The following ZNF467 variants were observed in gnomAD, a reference collection of about 807,000 sequenced individuals.
The protein encoded by ZNF467 is zinc finger protein 467.
Under a neutral mutation model 47.8 loss-of-function variants are expected in ZNF467, and 51 were observed. That is an observed-to-expected ratio of 1.07 (90% CI 0.85 to 1.35). The LOEUF is 1.35. ZNF467 is among the 40% of genes most tolerant of loss of function. The pLI, the probability that ZNF467 is intolerant of heterozygous loss-of-function variation, is 0.00. For missense variants in ZNF467, 992 were observed against 858.1 expected, an observed-to-expected ratio of 1.16 and a Z score of -1.95; for synonymous variants, 416 against 372.9, an observed-to-expected ratio of 1.12 and a Z score of -1.33.
At position 149,766,304 on chromosome 7, in the gene ZNF467, G is replaced by A; in HGVS notation, c.263-65C>T. ...TGCGGCAACGTCTATTTAACCACAG[G>A]ATCTCCACTTCCTGGAGCCCCGCGG... On this transcript the variant is annotated intron_variant, in intron 4 of 4. Coordinates refer to ENST00000302017, the MANE Select transcript of ZNF467 (RefSeq NM_207336.3). The A allele has an allele frequency of 4.6e-6, 7 of 1,506,706 alleles. No individual in the cohort carries two copies. The South Asian group carries it at 8.1e-5, about 17-fold the overall frequency. The allele number at this position is 1,506,706 out of a possible 1,614,324, so 93.3% of individuals were successfully genotyped here. A position where few individuals can be genotyped will look rare whatever the true frequency, so the allele number is the denominator to read the frequency against.
chr7:149,764,313 T>G lies in ZNF467; in HGVS notation c.*401A>C. The stretch of plus-strand genomic sequence containing the variant: ...GTGTGGATGGAGGTGGGACAGTGGC[T>G]AAGGAGAGTCAGGTGTTCCCTCCCC... On this transcript the variant is annotated 3_prime_UTR_variant, in exon 5 of 5. Transcript: ENST00000302017. 1 of 439,086 alleles carries G rather than the reference T, an allele frequency of 2.3e-6. No homozygotes were observed. The highest frequency in any genetic ancestry group is 4.0e-6 in the Non-Finnish European group (1 of 250,044). The allele number at this position is 439,086 out of a possible 1,614,324, so 27.2% of individuals were successfully genotyped here. A position where few individuals can be genotyped will look rare whatever the true frequency, so the allele number is the denominator to read the frequency against.
chr7:149,776,519 C>T, upstream of ZNF467: 1 of 1,308,970 alleles, frequency 7.6e-7, no homozygotes, highest in Non-Finnish European at 1.0e-6. Context: ...GGGCTCTGTC[C>T]TATCTACAAG....
rs863021 is a variant in ZNF467, at chr7:149,764,966, G to A, written c.1536C>T (p.Ser512=). Residue 512 remains serine, a synonymous_variant, in exon 5 of 5, where the codon AGC becomes AGT. Transcript: ENST00000302017. ...LGRHQAVHTG[S]RPHACAVCAR... is the part of the protein sequence containing the mutation. ...CGCAGACGGCGCAGGCGTGGGGGCG[G>A]CTGCCAGTGTGCACCGCCTGGTGGC... 19,306 of 1,590,204 alleles carry A rather than the reference G, an allele frequency of 0.012. 1,620 individuals carry two copies. The African/African-American group carries it at 0.2, about 17-fold the overall frequency.
intron 4 of ZNF467, among the ~76,000 whole-genome samples, chr7:149,767,630 C>T (rs956592610): frequency 4.6e-5 from 7 of 152,166 alleles, no homozygotes; most frequent in African/African-American, 1.7e-4. Context: ...TGACTCATTG[C>T]AGCCTCAAAC....
upstream of ZNF467, among the ~76,000 whole-genome samples, chr7:149,773,781 C>CG (rs1244866012): frequency 6.7e-6 from 1 of 149,244 alleles, no homozygotes; most frequent in East Asian, 2.0e-4. Context: ...GAGGACGGCC[C>CG]GGGGGGTCGG....
chr7:149,769,098 G>A lies in ZNF467; in HGVS notation c.254C>T (p.Thr85Ile). Residue 85 changes from threonine (T) to isoleucine (I), a missense_variant, in exon 4 of 5, where the codon ACC becomes ATC. Transcript: ENST00000302017. This position sits in a 1 kb window ranked among gnomAD's most constrained non-coding sequence, Gnocchi z 5.3. ...GTGATGGGAAGACTCACCTGGGCAG[G>A]TACCCACAGGCTGAGCCTTCTGTGC... Reference protein sequence around the residue: ...CSAQKAQPVGTCPGEEWMIRK... With the variant: ...CSAQKAQPVGICPGEEWMIRK... 1.3e-6 allele frequency: 2 copies of A among 1,550,254 alleles called. No homozygotes were observed. The highest frequency in any genetic ancestry group is 1.7e-6 in the Non-Finnish European group (2 of 1,146,582).
rs1213379502 is a variant in ZNF467, at chr7:149,765,454, G to A, written c.1048C>T (p.Pro350Ser). ...GAGCACGCGAAAGGCTTTGGCCCGG[G>A]AAAGGATGGGGTCGGGGACGGGGCA... ...STAPSPTPSF[P>S]GPKPFACSDC... is the part of the protein sequence containing the mutation. Residue 350 changes from proline (P) to serine (S), a missense_variant, in exon 5 of 5, where the codon CCC becomes TCC. Coordinates refer to ENST00000302017, the MANE Select transcript of ZNF467 (RefSeq NM_207336.3). 6.3e-7 allele frequency: 1 copy of A among 1,584,338 alleles called. No homozygotes were observed. The highest frequency in any genetic ancestry group is 8.6e-7 in the Non-Finnish European group (1 of 1,166,222).
rs374124337 is a variant in ZNF467, at chr7:149,765,919, G to A, written c.583C>T (p.Arg195Cys). The change falls in exon 5 of 5, where the codon CGC becomes TGC. Residue 195 changes from arginine to cysteine, a missense_variant. Physicochemically the swap from Arg to Cys is radical, Grantham distance 180. Transcript: ENST00000302017. Reference protein sequence around the residue: ...EGPCACPDCGRSFTQRAHMLL... With the variant: ...EGPCACPDCGCSFTQRAHMLL... ...ATGTGGGCGCGCTGCGTGAAGCTGC[G>A]GCCGCAGTCCGGGCAGGCGCAGGGG... is the stretch of plus-strand genomic sequence containing the variant. 6.6e-5 allele frequency: 103 copies of A among 1,560,700 alleles called. No homozygotes were observed. Among genetic ancestry groups the A allele is most frequent in the Non-Finnish European group, 8.8e-5 (101 of 1,153,838 alleles).
At position 149,765,251 on chromosome 7, in the gene ZNF467, A is replaced by G; in HGVS notation, c.1251T>C (p.Asp417=). The G allele has an allele frequency of 6.8e-7, 1 of 1,464,492 alleles. No homozygotes were observed. Among genetic ancestry groups the G allele is most frequent in the African/African-American group, 1.4e-5 (1 of 70,070 alleles). The allele number at this position is 1,464,492 out of a possible 1,614,324, so 90.7% of individuals were successfully genotyped here. ...PGGPGCGPGS[D]PVVPQRAPSG... ...AGGGGGCGCGCTGGGGCACCACGGG[A>G]TCGGATCCTGGGCCGCAGCCCGGTC... The change falls in exon 5 of 5, where the codon GAT becomes GAC. Residue 417 remains aspartate, a synonymous_variant. Coordinates refer to ENST00000302017, the MANE Select transcript of ZNF467 (RefSeq NM_207336.3).
chr7:149,767,689 CTA>C (rs2117426971), intron 4 of ZNF467, among the ~76,000 whole-genome samples: 1 of 152,298 alleles, frequency 6.6e-6, no homozygotes, highest in South Asian at 2.1e-4. Flanking sequence ...GCAGCTGTGA[CTA>C]TGGGTGTGCA....
chr7:149,775,978 C>A, upstream of ZNF467: 3 of 1,261,818 alleles, frequency 2.4e-6, no homozygotes, highest in Non-Finnish European at 3.2e-6. Flanking sequence ...GCCCTCTCTG[C>A]AGCATTGCCT....
chr7:149,771,376 C>T (rs981109720), intron 1 of ZNF467, among the ~76,000 whole-genome samples: 1 of 152,196 alleles, frequency 6.6e-6, no homozygotes, highest in Non-Finnish European at 1.5e-5. Context: ...CACGCCCCAG[C>T]GTCCTTGCCT....
rs144653466 is a variant in ZNF467 at position 149,765,530 on chromosome 7, C to A, written c.972G>T (p.Thr324=). The A allele has an allele frequency of 4.6e-5, 72 of 1,579,628 alleles. No homozygotes were observed. In the African/African-American group the frequency reaches 8.6e-4, roughly 19 times the overall value. ...HLVRHQRVHQ[T]AGPARPSPDS... is the part of the protein sequence containing the mutation. The stretch of plus-strand genomic sequence containing the variant: ...CGGGAGAGGGCCTGGCCGGGCCGGC[C>A]GTCTGGTGCACCCTTTGGTGCCGCA... The change falls in exon 5 of 5, where the codon ACG becomes ACT. Residue 324 remains threonine (T), a synonymous_variant. Transcript: ENST00000302017.
chr7:149,773,955 C>A (rs1175009841), upstream of ZNF467, among the ~76,000 whole-genome samples: 1 of 152,100 alleles, frequency 6.6e-6, no homozygotes, highest in Non-Finnish European at 1.5e-5. Context: ...CTTGCGAGAA[C>A]GGGTCCTTCG....
At chr7:149,776,256 A>C (rs983820449), upstream of ZNF467, 9 of 1,208,848 alleles carry the variant, frequency 7.4e-6, no homozygotes, top group Non-Finnish European at 9.8e-6. Flanking sequence ...TCCTTACTTC[A>C]ATAACCACCC....
chr7:149,764,632 G>A lies in ZNF467; in HGVS notation c.*82C>T. The A allele has an allele frequency of 1.9e-6, 3 of 1,551,604 alleles. No individual in the cohort carries two copies. Among genetic ancestry groups the A allele is most frequent in the Non-Finnish European group, 2.6e-6 (3 of 1,147,668 alleles). On this transcript the variant is annotated 3_prime_UTR_variant, in exon 5 of 5. Coordinates refer to ENST00000302017, the MANE Select transcript of ZNF467 (RefSeq NM_207336.3). ...GCCAAACCTTCGGGCAGCAGCCCAG[G>A]TCGCCTTGCTCACCCCAGGCGGTCT...
chr7:149,764,886 C>G lies in ZNF467; in HGVS notation c.1616G>C (p.Gly539Ala), dbSNP rs371817253. The G allele has an allele frequency of 6.3e-5, 98 of 1,564,964 alleles. No individual in the cohort carries two copies. The highest frequency in any genetic ancestry group is 8.0e-5 in the Non-Finnish European group (93 of 1,157,576). Residue 539 changes from glycine to alanine, a missense_variant, in exon 5 of 5, where the codon GGC becomes GCC. By Grantham distance (60) the Gly-to-Ala change is moderately conservative. Transcript: ENST00000302017. Reference protein sequence around the residue: ...NLVRHQAIHTGSRPFSCPQCG... With the variant: ...NLVRHQAIHTASRPFSCPQCG... ...CTGCGGGCAGGAGAAGGGGCGGGAG[C>G]CTGTGTGGATCGCCTGGTGGCGGAC...
chr7:149,770,853 C>G, intron 2 of ZNF467, 146 bp downstream of exon 2: 3 of 952,054 alleles, frequency 3.2e-6, no homozygotes, highest in Non-Finnish European at 4.9e-6. Flanking sequence ...ATTCAGACAC[C>G]CCGTGCTACA....
chr7:149,773,160 C>T lies in ZNF467; in HGVS notation c.-95G>A, dbSNP rs1037369063. 1.3e-5 allele frequency: 2 copies of T among 150,946 alleles called. No homozygotes were observed. Among genetic ancestry groups the T allele is most frequent in the Non-Finnish European group, 3.0e-5 (2 of 67,762 alleles). The allele number at this position is 150,946 out of a possible 1,614,324, so 9.4% of individuals were successfully genotyped here. A position where few individuals can be genotyped will look rare whatever the true frequency, so the allele number is the denominator to read the frequency against. On this transcript the variant is annotated 5_prime_UTR_variant, in exon 1 of 5. Coordinates refer to ENST00000302017, the MANE Select transcript of ZNF467 (RefSeq NM_207336.3). ...CGCGGGGACCCAGGCGCCCGGGCCT[C>T]CTGCCCCGCCGGCTCTGCTCACAAT...
Sources: allele counts gnomAD v4.1 joint callset (sites outside exome capture counted in the v4.1 genomes callset), GRCh38; gene constraint gnomAD v4.1.1; non-coding constraint Gnocchi (gnomAD v3.1); transcripts MANE v1.5; gene names NCBI Gene and HGNC (gene_info 2026-07-23, HGNC 2026-07-21).